Variants in MAPKAP1 observed in about 807,000 individuals in gnomAD.
MAPKAP1 encodes the protein target of rapamycin complex 2 subunit MAPKAP1.
In MAPKAP1, 20 loss-of-function variants were observed where a neutral mutation model predicts 65.7. The ratio of observed to expected loss-of-function variants is 0.30; its 90% CI spans 0.21 to 0.44. The LOEUF (loss-of-function observed/expected upper bound fraction) is 0.44, where lower values mean the gene tolerates loss of function less well. MAPKAP1 is among the 20% of genes least tolerant of loss of function. MAPKAP1 has a pLI of 1.00. For missense variants in MAPKAP1, 423 were observed against 648.0 expected (o/e 0.65, Z 3.77); for synonymous variants, 222 against 244.3 (o/e 0.91, Z 0.85).
chr9:125,576,522 TCTCCCCACGGTCTCCCTCTCTTTCC>T, intron 5 of MAPKAP1, among the ~76,000 whole-genome samples: 1 of 152,042 alleles, frequency 6.6e-6, no homozygotes, highest in Non-Finnish European at 1.5e-5. Context: ...TCCCTCTCCC[TCTCCCCACGGTCTCCCTCTCTTTCC>T]ACGGTCTCCC....
chr9:125,638,882 G>A (rs969503059), intron 4 of MAPKAP1, among the ~76,000 whole-genome samples: 2 of 152,156 alleles, frequency 1.3e-5, no homozygotes, highest in African/African-American at 2.4e-5. Flanking sequence ...CAACCCCTTC[G>A]GGAAAACATG....
At chr9:125,474,246 CCTTCA>C (rs1854026345) in intron 9 of MAPKAP1, among the ~76,000 whole-genome samples, 1 of 152,174 alleles carries the variant, frequency 6.6e-6, no homozygotes, top group Non-Finnish European at 1.5e-5. Flanking sequence ...GGAGACAATG[CCTTCA>C]TCCCCACAAA....
intron 7 of MAPKAP1, among the ~76,000 whole-genome samples, chr9:125,520,926 A>G (rs1381934815): frequency 6.6e-6 from 1 of 152,204 alleles, no homozygotes; most frequent in African/African-American, 2.4e-5. Flanking sequence ...CATCATTGAC[A>G]GGGTCCAATC....
intron 3 of MAPKAP1, among the ~76,000 whole-genome samples, chr9:125,663,714 C>T (rs888896720): frequency 1.3e-5 from 2 of 152,114 alleles, no homozygotes; most frequent in Non-Finnish European, 2.9e-5. Flanking sequence ...AGAGCAGATG[C>T]GCAGAAAGAA....
At chr9:125,476,861 C>A (rs909818446) in intron 9 of MAPKAP1, among the ~76,000 whole-genome samples, 1 of 152,204 alleles carries the variant, frequency 6.6e-6, no homozygotes, top group Admixed American at 6.5e-5. Flanking sequence ...CCAGGGCAGA[C>A]ATTTCTAATC....
intron 4 of MAPKAP1, among the ~76,000 whole-genome samples, chr9:125,626,993 A>G (rs1330201680): frequency 1.3e-5 from 2 of 152,190 alleles, no homozygotes; most frequent in African/African-American, 4.8e-5. Context: ...GTTTAGAGAA[A>G]AGTGATTTTC....
At position 125,503,446 on chromosome 9, in the gene MAPKAP1, T is replaced by C. The variant is rs577814476; in HGVS notation, c.1066+2864A>G. On this transcript the variant is annotated intron_variant, in intron 8 of 11. Transcript: ENST00000265960. ...TCAACCTTTTCCCAGACATGGCCAT[T>C]GATTCTTTTCTATCTTGTGCTCTTT... Among the ~76,000 whole-genome samples, 6 of 152,336 alleles carry C rather than the reference T, an allele frequency of 3.9e-5. No individual in the cohort carries two copies. In the South Asian group the frequency reaches 8.3e-4, roughly 21 times the overall value.
At chr9:125,442,536 T>TAAAAAA (rs11450537) in intron 11 of MAPKAP1, among the ~76,000 whole-genome samples, 16 of 137,234 alleles carry the variant, frequency 1.2e-4, no homozygotes, top group Admixed American at 5.9e-4. Context: ...ATGCTGGCTA[T>TAAAAAA]AAAAAAAAAA....
At position 125,693,783 on chromosome 9, in the gene MAPKAP1, G is replaced by GTA. The variant is rs748246969; in HGVS notation, c.-70+13186_-70+13187dup. Among the ~76,000 whole-genome samples the GTA allele has an allele frequency of 4.9e-5, 5 of 101,774 alleles. No homozygotes were observed. In the East Asian group the frequency reaches 1.4e-3, roughly 28 times the overall value. 66.8% of individuals were successfully genotyped at this position (101,774 alleles called of 152,430 possible). On this transcript the variant is annotated intron_variant, in intron 1 of 11. Coordinates refer to ENST00000265960, the MANE Select transcript of MAPKAP1 (RefSeq NM_001006617.3). ...TACACGTATATACACATATATACAC[G>GTA]TATATATATACACACATATATATAC...
chr9:125,690,756 A>G (rs1446290442), intron 1 of MAPKAP1, among the ~76,000 whole-genome samples: 1 of 152,216 alleles, frequency 6.6e-6, no homozygotes, highest in African/African-American at 2.4e-5. Context: ...AGCATCGGAC[A>G]AGGCACTGAA....
intron 4 of MAPKAP1, chr9:125,596,361 G>A: frequency 2.5e-6 from 2 of 786,620 alleles, no homozygotes; most frequent in East Asian, 2.4e-5. Context: ...TGGCAACCAT[G>A]GTGGTGGTGG....
chr9:125,627,261 G>A (rs1040585102), intron 4 of MAPKAP1, among the ~76,000 whole-genome samples: 1 of 152,106 alleles, frequency 6.6e-6, no homozygotes, highest in Non-Finnish European at 1.5e-5. Context: ...CTACCCCAAA[G>A]ATGATACACA....
chr9:125,687,098 T>A (rs1377802661), intron 1 of MAPKAP1, among the ~76,000 whole-genome samples: 2 of 151,354 alleles, frequency 1.3e-5, no homozygotes, highest in Non-Finnish European at 2.9e-5. Flanking sequence ...AGTGCTGGGA[T>A]TACAGGCCTG....
intron 6 of MAPKAP1, among the ~76,000 whole-genome samples, chr9:125,548,376 G>A (rs775623601): frequency 2.0e-5 from 3 of 152,172 alleles, no homozygotes; most frequent in Middle Eastern, 3.2e-3. Flanking sequence ...GAGAGGGTCC[G>A]GGAAGCTTCC....
intron 4 of MAPKAP1, among the ~76,000 whole-genome samples, chr9:125,645,473 A>C (rs1269387917): frequency 6.6e-6 from 1 of 152,246 alleles, no homozygotes; most frequent in Non-Finnish European, 1.5e-5. Flanking sequence ...ACGGTGGCTC[A>C]CGCCTATGAT....
intron 8 of MAPKAP1, among the ~76,000 whole-genome samples, chr9:125,489,516 G>A (rs998194930): frequency 1.3e-5 from 2 of 152,138 alleles, no homozygotes; most frequent in African/African-American, 4.8e-5. Flanking sequence ...ATAGTGACTT[G>A]AGCACCACAG....
In MAPKAP1 at chr9:125,647,223, G is replaced by A. The variant is rs141842739; in HGVS notation, c.498+10428C>T. 3.0e-3 allele frequency among the ~76,000 whole-genome samples: 463 copies of A among 152,182 alleles called. 2 individuals carry two copies. The highest frequency in any genetic ancestry group is 4.4e-3 in the African/African-American group (181 of 41,532). On this transcript the variant is annotated intron_variant, in intron 4 of 11. Transcript: ENST00000265960. ...AATTTCTTACATGTATCTTTGTCTA[G>A]GTGTTAAACTTCAGTTTAACAGAAA... is the stretch of plus-strand genomic sequence containing the variant.
intron 4 of MAPKAP1, among the ~76,000 whole-genome samples, chr9:125,624,342 T>G (rs1470737681): frequency 2.5e-4 from 6 of 23,684 alleles, no homozygotes; most frequent in Non-Finnish European, 3.2e-4. Context: ...GGTGGGGGGG[T>G]CGGCCCCCCG....
intron 1 of MAPKAP1, among the ~76,000 whole-genome samples, chr9:125,675,740 A>G (rs1834626117): frequency 6.6e-6 from 1 of 152,198 alleles, no homozygotes; most frequent in East Asian, 1.9e-4. Context: ...GCTGTTATAC[A>G]TGGCAGGAGT....
Sources: gnomAD v4.1 joint callset for allele counts (sites outside exome capture counted in the v4.1 genomes callset) on GRCh38, gnomAD v4.1.1 for gene constraint, MANE v1.5 for transcripts, NCBI Gene and HGNC (gene_info 2026-07-23, HGNC 2026-07-21) for gene names.